CAMTA1: variants seen among roughly 807,000 people sequenced by gnomAD.
CAMTA1 encodes the protein calmodulin-binding transcription activator 1.
A neutral mutation model predicts 170.9 loss-of-function variants in CAMTA1; 27 were observed. The ratio of observed to expected loss-of-function variants is 0.16; its 90% CI spans 0.12 to 0.22. The LOEUF is 0.22. CAMTA1 is among the 10% of genes least tolerant of loss of function. CAMTA1 has a pLI of 1.00. For missense variants in CAMTA1, 1,619 were observed against 2,217.2 expected, an observed-to-expected ratio of 0.73 and a Z score of 5.42; for synonymous variants, 833 against 891.5, an observed-to-expected ratio of 0.93 and a Z score of 1.17.
intron 3 of CAMTA1, among the ~76,000 whole-genome samples, chr1:7,020,283 A>G (rs182736036): frequency 2.6e-5 from 4 of 152,314 alleles, no homozygotes; most frequent in East Asian, 3.9e-4. Flanking sequence ...TATTTTTACT[A>G]TATCTTTTCT....
chr1:7,448,392 TG>T (rs2092731636), intron 5 of CAMTA1, among the ~76,000 whole-genome samples: 1 of 152,140 alleles, frequency 6.6e-6, no homozygotes, highest in Non-Finnish European at 1.5e-5. Flanking sequence ...ACCCTCTGCC[TG>T]GGGAGAACTG....
Position 7,743,275 on chromosome 1 carries a change from ACG to A in CAMTA1, c.4183-1559_4183-1558del, listed in dbSNP as rs2096831506. ...TAACAGCTTTATTGAGGTATAATTT[ACG>A]TATGATAAAAAATTTATAAAATTAT... On this transcript the variant is annotated intron_variant, in intron 16 of 22. Coordinates refer to ENST00000303635, the MANE Select transcript of CAMTA1 (RefSeq NM_015215.4). 2.6e-5 allele frequency among the ~76,000 whole-genome samples: 4 copies of A among 152,042 alleles called. No homozygotes were observed. The South Asian group carries it at 8.3e-4, about 32-fold the overall frequency.
intron 5 of CAMTA1, among the ~76,000 whole-genome samples, chr1:7,364,033 G>A (rs1299832338): frequency 1.3e-5 from 2 of 152,178 alleles, no homozygotes; most frequent in Non-Finnish European, 2.9e-5. Flanking sequence ...AAAGCCGAGA[G>A]TGCCTCTTCC....
At chr1:7,405,674 C>A (rs1252581782) in intron 5 of CAMTA1, among the ~76,000 whole-genome samples, 2 of 152,174 alleles carry the variant, frequency 1.3e-5, no homozygotes, top group African/African-American at 4.8e-5. Context: ...ACCCGGCCTG[C>A]AACAAGCTTT....
chr1:7,612,229 G>A (rs1178935537), intron 6 of CAMTA1, among the ~76,000 whole-genome samples: 1 of 152,228 alleles, frequency 6.6e-6, no homozygotes, highest in Admixed American at 6.5e-5. Context: ...ATTTGATTGA[G>A]TGGTGGAGGT....
chr1:7,578,288 C>T (rs1557946959), intron 6 of CAMTA1, among the ~76,000 whole-genome samples: 2 of 152,154 alleles, frequency 1.3e-5, no homozygotes, highest in Non-Finnish European at 2.9e-5. Context: ...GCTCCAGGGT[C>T]ATGCACATCA....
At chr1:7,615,674 G>A (rs1305433319) in intron 6 of CAMTA1, among the ~76,000 whole-genome samples, 1 of 152,204 alleles carries the variant, frequency 6.6e-6, no homozygotes, top group Non-Finnish European at 1.5e-5. Context: ...GGGGTTTTGT[G>A]GCCACTTCGT....
At position 7,195,642 on chromosome 1, in the gene CAMTA1, C is replaced by G. The variant is rs116886617; in HGVS notation, c.303-53849C>G. Among the ~76,000 whole-genome samples, 390 of 152,336 alleles carry G rather than the reference C, an allele frequency of 2.6e-3. 12 individuals are homozygous for G. The East Asian group carries it at 0.047, about 18-fold the overall frequency. On this transcript the variant is annotated intron_variant, in intron 4 of 22. Transcript: ENST00000303635. This position sits in a 1 kb window ranked among gnomAD's most constrained non-coding sequence, Gnocchi z 4.1. Reference sequence around the variant, plus strand: ...TGCCCGCACTGCTCCTGAGACCACTCTGACCCCATGAGGAGGTTGGCTTGT... The same window carrying G: ...TGCCCGCACTGCTCCTGAGACCACTGTGACCCCATGAGGAGGTTGGCTTGT...
intron 5 of CAMTA1, among the ~76,000 whole-genome samples, chr1:7,302,844 C>A (rs927951844): frequency 2.6e-5 from 4 of 152,182 alleles, no homozygotes; most frequent in African/African-American, 9.6e-5. Context: ...ATGTTTCAGA[C>A]CTGTGCGAGG....
chr1:7,033,588 C>CTTTTTTTTTTTTT (rs34282545), intron 3 of CAMTA1, among the ~76,000 whole-genome samples: 2 of 95,130 alleles, frequency 2.1e-5, no homozygotes, highest in African/African-American at 4.1e-5. Context: ...TGTAAATATT[C>CTTTTTTTTTTTTT]TTTTTTTTTT....
At chr1:7,386,862 G>A (rs1325925287) in intron 5 of CAMTA1, among the ~76,000 whole-genome samples, 4 of 152,198 alleles carry the variant, frequency 2.6e-5, no homozygotes, top group Non-Finnish European at 5.9e-5. Flanking sequence ...AGAAGTCCCT[G>A]TTGCCAAGTC....
At chr1:7,312,016 C>T (rs1263684123) in intron 5 of CAMTA1, among the ~76,000 whole-genome samples, 2 of 152,170 alleles carry the variant, frequency 1.3e-5, no homozygotes, top group African/African-American at 4.8e-5. Flanking sequence ...TCCCTCTCCA[C>T]CATCTCCTTG....
chr1:7,698,560 G>A (rs1238110923), intron 11 of CAMTA1: 3 of 152,526 alleles, frequency 2.0e-5, no homozygotes, highest in African/African-American at 7.2e-5. Context: ...CCCCACCTCA[G>A]TGCCTCCTTC....
chr1:7,153,195 T>C (rs1295349556), intron 4 of CAMTA1, among the ~76,000 whole-genome samples: 3 of 152,150 alleles, frequency 2.0e-5, no homozygotes, highest in Admixed American at 2.0e-4. Flanking sequence ...CAAAAAAAAT[T>C]AGACCTTTAA....
chr1:7,563,771 C>T (rs2094995081), intron 6 of CAMTA1, among the ~76,000 whole-genome samples: 1 of 152,198 alleles, frequency 6.6e-6, no homozygotes, highest in African/African-American at 2.4e-5. Context: ...TGCTATATGG[C>T]TCTGCAAAGT....
intron 4 of CAMTA1, among the ~76,000 whole-genome samples, chr1:7,210,021 A>G (rs1658475190): frequency 6.6e-6 from 1 of 152,230 alleles, no homozygotes; most frequent in South Asian, 2.1e-4. Flanking sequence ...AAACACTTCA[A>G]TGTGTATATC....
intron 5 of CAMTA1, among the ~76,000 whole-genome samples, chr1:7,292,922 C>A (rs35828677): frequency 0.05 from 7,637 of 152,148 alleles, 298 homozygotes; most frequent in Middle Eastern, 0.13. Context: ...GAGCACTAGG[C>A]CACCCCAGCG....
intron 3 of CAMTA1, among the ~76,000 whole-genome samples, chr1:6,917,341 G>A (rs1681032047): frequency 6.6e-6 from 1 of 152,102 alleles, no homozygotes; most frequent in Non-Finnish European, 1.5e-5. Flanking sequence ...GTGCCGTGGA[G>A]GGCCTAGGAG....
At chr1:6,808,910 C>T (rs1644844971) in intron 1 of CAMTA1, among the ~76,000 whole-genome samples, 1 of 152,050 alleles carries the variant, frequency 6.6e-6, no homozygotes, top group African/African-American at 2.4e-5. Context: ...AAGGTGACTC[C>T]TAGGTTTTGA....
Sources: allele counts gnomAD v4.1 joint callset (sites outside exome capture counted in the v4.1 genomes callset), GRCh38; gene constraint gnomAD v4.1.1; non-coding constraint Gnocchi (gnomAD v3.1); transcripts MANE v1.5; gene names NCBI Gene and HGNC (gene_info 2026-07-23, HGNC 2026-07-21).